The following LGR5 variants were observed in gnomAD, a reference collection of about 807,000 sequenced individuals.
The protein encoded by LGR5 is leucine rich repeat containing G protein-coupled receptor 5.
In LGR5, 54 loss-of-function variants were observed where a neutral mutation model predicts 76.7. The ratio of observed to expected loss-of-function variants is 0.70; its 90% CI spans 0.57 to 0.88. The LOEUF (loss-of-function observed/expected upper bound fraction) is 0.88, where lower values mean the gene tolerates loss of function less well. LGR5 is among the 40% of genes least tolerant of loss of function. The pLI, the probability that LGR5 is intolerant of heterozygous loss-of-function variation, is 0.00. For missense variants in LGR5, 1,078 were observed against 1,073.3 expected (o/e 1.00, Z -0.06); for synonymous variants, 406 against 421.9 (o/e 0.96, Z 0.46).
At chr12:71,529,241 T>C (rs553602840) in intron 3 of LGR5, among the ~76,000 whole-genome samples, 1 of 152,320 alleles carries the variant, frequency 6.6e-6, no homozygotes, top group East Asian at 1.9e-4. Flanking sequence ...GGGTAATTTA[T>C]AAAGAAAAGA....
At chr12:71,560,474 A>C (rs1183816330) in intron 7 of LGR5, among the ~76,000 whole-genome samples, 1 of 152,150 alleles carries the variant, frequency 6.6e-6, no homozygotes, top group Non-Finnish European at 1.5e-5. Context: ...GGGGTGGCAA[A>C]GGCAGAAGAA....
At chr12:71,450,729 A>G (rs945639036) in intron 1 of LGR5, among the ~76,000 whole-genome samples, 3 of 152,152 alleles carry the variant, frequency 2.0e-5, no homozygotes, top group African/African-American at 7.2e-5. Context: ...TCTAGCAGTG[A>G]CATTGCACTA....
At chr12:71,564,565 G>A (rs1215626408) in intron 8 of LGR5, among the ~76,000 whole-genome samples, 28 of 99,984 alleles carry the variant, frequency 2.8e-4, no homozygotes, top group East Asian at 6.4e-4. Flanking sequence ...CACACGCACC[G>A]TGTATATATG....
chr12:71,481,031 G>A (rs1274552125), intron 1 of LGR5, among the ~76,000 whole-genome samples: 3 of 152,140 alleles, frequency 2.0e-5, no homozygotes, highest in Admixed American at 6.5e-5. Context: ...AACCAGCAAC[G>A]GCTTTTTGAA....
At chr12:71,541,824 G>A (rs1395402409) in intron 4 of LGR5, among the ~76,000 whole-genome samples, 3 of 152,152 alleles carry the variant, frequency 2.0e-5, no homozygotes, top group Admixed American at 6.5e-5. Flanking sequence ...CTAGAGGTGA[G>A]TCTGGGATAA....
At chr12:71,496,878 A>C (rs74101864) in intron 1 of LGR5, among the ~76,000 whole-genome samples, 3,472 of 152,272 alleles carry the variant, frequency 0.023, 136 homozygotes, top group African/African-American at 0.079. Flanking sequence ...AAGAAGCAAA[A>C]CTAATATGAA....
chr12:71,517,036 G>A (rs1363510767), intron 2 of LGR5, among the ~76,000 whole-genome samples: 1 of 149,800 alleles, frequency 6.7e-6, no homozygotes, highest in African/African-American at 2.5e-5. Flanking sequence ...CAAATGTTAT[G>A]TTGCTCTCTA....
At chr12:71,450,752 C>T (rs879674563) in intron 1 of LGR5, among the ~76,000 whole-genome samples, 1 of 152,156 alleles carries the variant, frequency 6.6e-6, no homozygotes, top group Non-Finnish European at 1.5e-5. Flanking sequence ...CCAGGGTCTA[C>T]TCACTTTTTT....
chr12:71,547,235 T>C (rs1280597593), intron 4 of LGR5, among the ~76,000 whole-genome samples: 1 of 151,848 alleles, frequency 6.6e-6, no homozygotes. Context: ...AACTATTCTA[T>C]TGCTGGCCTA....
intron 1 of LGR5, among the ~76,000 whole-genome samples, chr12:71,501,881 C>T (rs1874622839): frequency 6.6e-6 from 1 of 152,112 alleles, no homozygotes; most frequent in South Asian, 2.1e-4. Flanking sequence ...TACATTTTAA[C>T]ATCAATGTAA....
intron 1 of LGR5, among the ~76,000 whole-genome samples, chr12:71,485,672 G>T (rs1565682206): frequency 6.6e-6 from 1 of 152,136 alleles, no homozygotes. Context: ...TGAGGCTGCT[G>T]TGAAGCATGA....
intron 1 of LGR5, among the ~76,000 whole-genome samples, chr12:71,478,512 A>T (rs138264824): frequency 8.1e-4 from 123 of 152,298 alleles, no homozygotes; most frequent in African/African-American, 2.9e-3. Flanking sequence ...TGAATGGGAA[A>T]ACTGTTTACT....
At chr12:71,441,533 G>A (rs1020651570) in intron 1 of LGR5, 9 of 152,156 alleles carry the variant, frequency 5.9e-5, no homozygotes, top group Admixed American at 5.9e-4. Context: ...TTTTCTGGAG[G>A]GAAGAAACAT....
chr12:71,554,837 C>A (rs559216105), intron 5 of LGR5, among the ~76,000 whole-genome samples: 2 of 152,266 alleles, frequency 1.3e-5, no homozygotes, highest in South Asian at 4.2e-4. Context: ...GATTCTCAAA[C>A]AAGTAATAGT....
At chr12:71,464,405 G>A (rs976426556) in intron 1 of LGR5, among the ~76,000 whole-genome samples, 1 of 152,166 alleles carries the variant, frequency 6.6e-6, no homozygotes, top group Non-Finnish European at 1.5e-5. Flanking sequence ...TGAACTACAA[G>A]TGAAATATAC....
Position 71,577,995 on chromosome 12 carries a change from CTGTGAGTATTCCACAACT to C in LGR5, c.1280+3_1280+20del. 1 of 1,604,818 alleles carries C rather than the reference CTGTGAGTATTCCACAACT, an allele frequency of 6.2e-7. No individual in the cohort carries two copies. The highest frequency in any genetic ancestry group is 1.3e-5 in the African/African-American group (1 of 74,840). ...TTCCACTTTGCCATCCCTAATAAAGCTGTGAGTATTCCACAACTTGTTTATGGTATGTCTCTTAATAAT... is the reference window on the plus strand; with the variant it reads ...TTCCACTTTGCCATCCCTAATAAAGCTGTTTATGGTATGTCTCTTAATAAT... On this transcript the variant is annotated splice_donor_variant and splice_donor_5th_base_variant and coding_sequence_variant and intron_variant, in exon 14 of 18. Transcript: ENST00000266674. LOFTEE classifies it high-confidence loss of function.
chr12:71,441,792 C>T (rs1871780203), intron 1 of LGR5: 3 of 152,260 alleles, frequency 2.0e-5, no homozygotes, highest in East Asian at 1.9e-4. Flanking sequence ...CAATTGCACT[C>T]GTGCATGTGG....
At chr12:71,494,530 A>G (rs1874227095) in intron 1 of LGR5, among the ~76,000 whole-genome samples, 1 of 151,150 alleles carries the variant, frequency 6.6e-6, no homozygotes, top group African/African-American at 2.5e-5. Flanking sequence ...AAACAATTTT[A>G]TCTAGATTAA....
intron 3 of LGR5, among the ~76,000 whole-genome samples, chr12:71,534,233 AG>A (rs1420726460): frequency 6.6e-6 from 1 of 152,344 alleles, no homozygotes; most frequent in East Asian, 1.9e-4. Context: ...GCAAAATATA[AG>A]GAATCTCATG....
Sources: gnomAD v4.1 joint callset for allele counts (sites outside exome capture counted in the v4.1 genomes callset) on GRCh38, gnomAD v4.1.1 for gene constraint, MANE v1.5 for transcripts, NCBI Gene and HGNC (gene_info 2026-07-23, HGNC 2026-07-21) for gene names.